The following LGSN variants were observed in gnomAD, a reference collection of about 807,000 sequenced individuals.
The protein encoded by LGSN is lengsin, lens protein with glutamine synthetase domain.
In LGSN, 21 loss-of-function variants were observed where a neutral mutation model predicts 19.5. The observed-to-expected ratio is 1.07, with a 90% CI of 0.76 to 1.55. The LOEUF (loss-of-function observed/expected upper bound fraction) is 1.55. Among genes scored for constraint, LGSN ranks in the 40% most tolerant of loss-of-function variants. The pLI, the probability that LGSN is intolerant of heterozygous loss-of-function variation, is 0.00. For synonymous variants in LGSN, 257 were observed against 215.6 expected, an observed-to-expected ratio of 1.19 and a Z score of -1.68; for missense variants, 673 against 608.5, an observed-to-expected ratio of 1.11 and a Z score of -1.12.
At chr6:63,283,629 T>C (rs1478475932) in intron 3 of LGSN, among the ~76,000 whole-genome samples, 1 of 151,438 alleles carries the variant, frequency 6.6e-6, no homozygotes, top group Non-Finnish European at 1.5e-5. Flanking sequence ...TTTTTTTTTT[T>C]TTTTTGAGAT....
the LGSN span, among the ~76,000 whole-genome samples, chr6:63,432,088 G>GGAAAGAAAGAAAGAAAGAAAGAAA: frequency 6.3e-4 from 28 of 44,736 alleles, 2 homozygotes; most frequent in Admixed American, 3.0e-3. Context: ...AGAAAAAGAA[G>GGAAAGAAAGAAAGAAAGAAAGAAA]GAAAGAAAGA....
chr6:63,394,623 G>T, the LGSN span, among the ~76,000 whole-genome samples: 15 of 152,324 alleles, frequency 9.8e-5, no homozygotes, highest in African/African-American at 3.4e-4. Context: ...TGCCTTTGGC[G>T]TAACCATTCT....
At chr6:63,338,677 A>G in the LGSN span, among the ~76,000 whole-genome samples, 1 of 151,558 alleles carries the variant, frequency 6.6e-6, no homozygotes, top group Non-Finnish European at 1.5e-5. Flanking sequence ...CTTAGTCTCT[A>G]TTTTGTTTCA....
chr6:63,441,595 A>G, the LGSN span: 1 of 456,822 alleles, frequency 2.2e-6, no homozygotes, highest in African/African-American at 2.0e-5. Context: ...GAGGCAAAGC[A>G]GCGAGCTAAG....
At chr6:63,436,471 T>C in the LGSN span, among the ~76,000 whole-genome samples, 2 of 152,200 alleles carry the variant, frequency 1.3e-5, no homozygotes, top group Non-Finnish European at 2.9e-5. Context: ...AATCAACTGT[T>C]TTCAAAATAA....
the LGSN span, among the ~76,000 whole-genome samples, chr6:63,531,080 T>C: frequency 6.6e-6 from 1 of 152,212 alleles, no homozygotes; most frequent in Admixed American, 6.5e-5. Context: ...ATATTGTGTG[T>C]CCAAAGATAG....
At chr6:63,382,830 A>G in the LGSN span, among the ~76,000 whole-genome samples, 1 of 152,218 alleles carries the variant, frequency 6.6e-6, no homozygotes, top group African/African-American at 2.4e-5. Flanking sequence ...ATATAACTGT[A>G]CAACATATAC....
intron 1 of LGSN, among the ~76,000 whole-genome samples, chr6:63,310,856 C>G (rs1397183117): frequency 2.0e-5 from 3 of 152,220 alleles, no homozygotes; most frequent in Non-Finnish European, 2.9e-5. Flanking sequence ...AAGGCATGAG[C>G]AGGAGCATCA....
the LGSN span, among the ~76,000 whole-genome samples, chr6:63,542,289 G>A: frequency 1.3e-5 from 2 of 152,000 alleles, no homozygotes; most frequent in Non-Finnish European, 2.9e-5. Context: ...GGTGGGAAGA[G>A]GGTGAGGGAT....
chr6:63,510,594 A>C, the LGSN span, among the ~76,000 whole-genome samples: 2 of 150,818 alleles, frequency 1.3e-5, no homozygotes, highest in Non-Finnish European at 2.9e-5. Flanking sequence ...ATTATGTGCC[A>C]GGCACCATCT....
the LGSN span, among the ~76,000 whole-genome samples, chr6:63,363,378 C>T: frequency 6.3e-3 from 956 of 152,080 alleles, 7 homozygotes; most frequent in African/African-American, 0.021. Context: ...AGGATTCAGA[C>T]GATCGATAAT....
At chr6:63,337,421 G>C in the LGSN span, among the ~76,000 whole-genome samples, 1 of 151,830 alleles carries the variant, frequency 6.6e-6, no homozygotes, top group African/African-American at 2.4e-5. Flanking sequence ...AGGTTACAGT[G>C]AGCCAAGATA....
the LGSN span, among the ~76,000 whole-genome samples, chr6:63,479,515 G>A: frequency 1.3e-5 from 2 of 151,946 alleles, no homozygotes; most frequent in Non-Finnish European, 2.9e-5. Context: ...CGAGGCTGGC[G>A]GATCTCGAGG....
chr6:63,459,835 A>G, the LGSN span, among the ~76,000 whole-genome samples: 1 of 152,044 alleles, frequency 6.6e-6, no homozygotes, highest in African/African-American at 2.4e-5. Flanking sequence ...AATCGCTTGA[A>G]CCCAGGAGGT....
the LGSN span, among the ~76,000 whole-genome samples, chr6:63,366,512 G>C: frequency 6.6e-6 from 1 of 152,122 alleles, no homozygotes; most frequent in Admixed American, 6.6e-5. Context: ...TGGCCATACT[G>C]CCCAAGATAA....
chr6:63,511,058 T>C, the LGSN span, among the ~76,000 whole-genome samples: 6 of 152,102 alleles, frequency 3.9e-5, no homozygotes, highest in Admixed American at 3.9e-4. Flanking sequence ...AGGAGATCAA[T>C]GGTGCTATGC....
At chr6:63,482,349 G>A in the LGSN span, among the ~76,000 whole-genome samples, 1 of 152,078 alleles carries the variant, frequency 6.6e-6, no homozygotes, top group African/African-American at 2.4e-5. Context: ...CTTTCCACTT[G>A]GATCCCTTCA....
chr6:63,496,709 T>C, the LGSN span, among the ~76,000 whole-genome samples: 1 of 150,742 alleles, frequency 6.6e-6, no homozygotes, highest in African/African-American at 2.5e-5. Flanking sequence ...CATCTCAGCC[T>C]CCCAAAGTGC....
chr6:63,417,894 G>A, the LGSN span, among the ~76,000 whole-genome samples: 3 of 152,168 alleles, frequency 2.0e-5, no homozygotes, highest in South Asian at 6.2e-4. Flanking sequence ...ATAAGATTGA[G>A]AGAAGAATAA....
Sources: allele counts gnomAD v4.1 joint callset (sites outside exome capture counted in the v4.1 genomes callset), GRCh38; gene constraint gnomAD v4.1.1; transcripts MANE v1.5; gene names NCBI Gene and HGNC (gene_info 2026-07-23, HGNC 2026-07-21).